The following ROBO2 variants were observed in gnomAD, a reference collection of about 807,000 sequenced individuals.
The protein encoded by ROBO2 is roundabout homolog 2.
Under a neutral mutation model 160.8 loss-of-function variants are expected in ROBO2, and 53 were observed. The ratio of observed to expected loss-of-function variants is 0.33; its 90% confidence interval spans 0.26 to 0.41. ROBO2 has a LOEUF of 0.41. Ranked by LOEUF, ROBO2 falls within the 10% of genes least tolerant of loss-of-function variation. ROBO2 has a pLI of 1.00. For synonymous variants in ROBO2, 664 were observed against 611.7 expected (o/e 1.09, Z -1.26); for missense variants, 1,577 against 1,722.4 (o/e 0.92, Z 1.49).
rs564817364 is a variant in ROBO2, at chr3:77,377,122, A to C, written c.389-100292A>C. Among the ~76,000 whole-genome samples, 29 of 152,344 alleles carry C rather than the reference A, an allele frequency of 1.9e-4. No homozygotes were observed. In the East Asian group the frequency reaches 5.2e-3, roughly 27 times the overall value. ...AGCTGATTTCCCTACTTTATTTTAG[A>C]AATTTATATCTTCAGTCTATACTGT... On this transcript the variant is annotated intron_variant, in intron 2 of 25. Coordinates refer to ENST00000461745, the Ensembl canonical transcript of ROBO2.
chr3:77,648,265 T>C (rs2095425885), exon 26 of ROBO2: 1 of 152,186 alleles, frequency 6.6e-6, no homozygotes, highest in African/African-American at 2.4e-5. Context: ...AGGTTTTGTG[T>C]TCCCTCTTTA....
intron 2 of ROBO2, among the ~76,000 whole-genome samples, chr3:76,035,655 T>C (rs1177328097): frequency 2.6e-5 from 4 of 152,034 alleles, no homozygotes; most frequent in African/African-American, 7.3e-5. Context: ...AGTGCAATTA[T>C]ATAAAGGAAT....
intron 2 of ROBO2, among the ~76,000 whole-genome samples, chr3:76,243,822 AG>A (rs1705451268): frequency 6.6e-6 from 1 of 152,208 alleles, no homozygotes; most frequent in Non-Finnish European, 1.5e-5. Flanking sequence ...GGAGATTAAA[AG>A]CTCTTTAGTA....
intron 2 of ROBO2, among the ~76,000 whole-genome samples, chr3:77,413,853 C>A (rs564639127): frequency 6.6e-6 from 1 of 152,126 alleles, no homozygotes; most frequent in East Asian, 1.9e-4. Flanking sequence ...TGTGGCAGGT[C>A]AATCTGACAA....
intron 2 of ROBO2, among the ~76,000 whole-genome samples, chr3:76,970,150 G>T (rs914827628): frequency 6.6e-6 from 1 of 152,112 alleles, no homozygotes; most frequent in African/African-American, 2.4e-5. Flanking sequence ...TTTCTGCTGT[G>T]ACTGGCCACA....
chr3:76,979,753 A>C (rs2060001966), intron 2 of ROBO2, among the ~76,000 whole-genome samples: 1 of 151,810 alleles, frequency 6.6e-6, no homozygotes, highest in South Asian at 2.1e-4. Context: ...TTACACACAC[A>C]CACACACACA....
intron 2 of ROBO2, among the ~76,000 whole-genome samples, chr3:76,198,672 G>C (rs1399281173): frequency 6.6e-6 from 1 of 152,104 alleles, no homozygotes; most frequent in Non-Finnish European, 1.5e-5. Context: ...TATTGCCTCT[G>C]AAGGTGGCCA....
In ROBO2 at chr3:76,173,132, CT is replaced by C. The variant is rs573449197; in HGVS notation, c.109+235533del. On this transcript the variant is annotated intron_variant, in intron 2 of 26. Transcript: ENST00000487694. Reference sequence around the variant, plus strand: ...ATTTTGAGCATAACTAGCTTTATGACTTTGGACAAGATACAAAATTCTTTGA... The same window carrying C: ...ATTTTGAGCATAACTAGCTTTATGACTTGGACAAGATACAAAATTCTTTGA... Among the ~76,000 whole-genome samples, 289 of 137,774 alleles carry C rather than the reference CT, an allele frequency of 2.1e-3. 8 individuals are homozygous for C. Among genetic ancestry groups the C allele is most frequent in the African/African-American group, 8.8e-3 (281 of 31,912 alleles). 90.4% of individuals were successfully genotyped at this position (137,774 alleles called of 152,430 possible).
exon 1 of ROBO2, chr3:75,906,946 T>C (rs1343574808): frequency 2.6e-5 from 4 of 152,328 alleles, no homozygotes; most frequent in African/African-American, 9.7e-5. Context: ...GGCTGCCGTC[T>C]AAACCTGACT....
At chr3:76,795,854 C>T (rs1448622583) in intron 2 of ROBO2, among the ~76,000 whole-genome samples, 2 of 152,074 alleles carry the variant, frequency 1.3e-5, no homozygotes, top group African/African-American at 2.4e-5. Context: ...CAGCTGTAGC[C>T]TTACTGAATG....
intron 2 of ROBO2, among the ~76,000 whole-genome samples, chr3:76,013,069 G>A (rs2066252345): frequency 7.0e-6 from 1 of 142,198 alleles, no homozygotes; most frequent in Admixed American, 7.3e-5. Flanking sequence ...AATCCCAGAA[G>A]CAATATGCAT....
intron 2 of ROBO2, among the ~76,000 whole-genome samples, chr3:77,425,759 G>A (rs189722274): frequency 0.01 from 1,537 of 151,660 alleles, 18 homozygotes; most frequent in Non-Finnish European, 0.012. Flanking sequence ...CCACTCCTGG[G>A]TTCACGCCAT....
intron 2 of ROBO2, among the ~76,000 whole-genome samples, chr3:76,879,006 G>A (rs754540549): frequency 7.9e-5 from 12 of 152,064 alleles, no homozygotes; most frequent in Non-Finnish European, 1.5e-4. Context: ...AATATGTAGA[G>A]GGAATGATTT....
intron 2 of ROBO2, among the ~76,000 whole-genome samples, chr3:76,184,413 T>C (rs1034093928): frequency 1.1e-4 from 16 of 152,106 alleles, no homozygotes; most frequent in African/African-American, 3.9e-4. Flanking sequence ...ACAAAGCAAG[T>C]TGGATGACCA....
intron 2 of ROBO2, among the ~76,000 whole-genome samples, chr3:76,805,270 G>C (rs1002740215): frequency 1.3e-5 from 2 of 151,608 alleles, no homozygotes; most frequent in Admixed American, 1.3e-4. Flanking sequence ...CTTCACCTTC[G>C]ATTATTTTTT....
intron 2 of ROBO2, among the ~76,000 whole-genome samples, chr3:77,301,254 T>C (rs957287637): frequency 6.6e-6 from 1 of 152,090 alleles, no homozygotes; most frequent in Non-Finnish European, 1.5e-5. Context: ...AGGCTTTACA[T>C]AAGATTTTTA....
chr3:76,824,992 A>G (rs549924220), intron 2 of ROBO2, among the ~76,000 whole-genome samples: 29 of 152,334 alleles, frequency 1.9e-4, no homozygotes, highest in Admixed American at 1.4e-3. Context: ...CATGAAACTT[A>G]TTAGGAAGCT....
chr3:76,416,773 A>G lies in ROBO2; in HGVS notation c.109+479171A>G, dbSNP rs1330986524. Among the ~76,000 whole-genome samples the G allele has an allele frequency of 2.6e-5, 4 of 151,664 alleles. No individual in the cohort carries two copies. The East Asian group carries it at 7.7e-4, about 29-fold the overall frequency. On this transcript the variant is annotated intron_variant, in intron 2 of 26. Coordinates refer to the ROBO2 transcript ENST00000487694. The stretch of plus-strand genomic sequence containing the variant: ...AGATGCTGCTAATATCTCTCTCATC[A>G]TCTGCGCCGTCAACTTTCTTTCTTG...
chr3:76,605,387 A>T (rs34335251), intron 2 of ROBO2, among the ~76,000 whole-genome samples: 32 of 65,676 alleles, frequency 4.9e-4, no homozygotes, highest in Non-Finnish European at 6.3e-4. Flanking sequence ...ACTGTATTTT[A>T]AAAAAAAAAG....
Sources: allele counts gnomAD v4.1 joint callset (sites outside exome capture counted in the v4.1 genomes callset), GRCh38; gene constraint gnomAD v4.1.1; transcripts MANE v1.5; gene names NCBI Gene and HGNC (gene_info 2026-07-23, HGNC 2026-07-21).